SNRPD2: variants seen among roughly 807,000 people sequenced by gnomAD.
The protein encoded by SNRPD2 is small nuclear ribonucleoprotein Sm D2.
In SNRPD2, 1 loss-of-function variant was observed where a neutral mutation model predicts 11.5. The observed-to-expected ratio is 0.09, with a 90% CI of 0.03 to 0.41. SNRPD2 has a LOEUF of 0.41. Ranked by LOEUF, SNRPD2 falls within the 10% of genes least tolerant of loss-of-function variation. The pLI is 0.98. For missense variants in SNRPD2, 77 were observed against 154.9 expected (o/e 0.50, Z 2.67); for synonymous variants, 63 against 61.5 (o/e 1.02, Z -0.12).
rs1170652323 is a variant in SNRPD2 at position 45,688,112 on chromosome 19, G to C, written c.182+275C>G. On this transcript the variant is annotated intron_variant, in intron 2 of 2. Coordinates refer to ENST00000342669, the MANE Select transcript of SNRPD2 (RefSeq NM_001384647.1). The surrounding 1 kb of genome is among the most constrained non-coding windows in gnomAD (Gnocchi z 4.1). Reference sequence around the variant, plus strand: ...GGCTATTCTTGTGCCTCGGCCACCTGAGTAGCTGTGAATACAGGCGTGCAC... The same window carrying C: ...GGCTATTCTTGTGCCTCGGCCACCTCAGTAGCTGTGAATACAGGCGTGCAC... Among the ~76,000 whole-genome samples, 1 of 152,194 alleles carries C rather than the reference G, an allele frequency of 6.6e-6. No individual in the cohort carries two copies. The highest frequency in any genetic ancestry group is 1.5e-5 in the Non-Finnish European group (1 of 68,040).
At chr19:45,691,081 A>C (rs1345939932) in intron 1 of SNRPD2, among the ~76,000 whole-genome samples, 2 of 152,094 alleles carry the variant, frequency 1.3e-5, no homozygotes, top group African/African-American at 4.8e-5. Flanking sequence ...CCTTATTTCA[A>C]ATAATTATTT....
rs1471249261 is a variant in SNRPD2, at chr19:45,688,266, AGCCACC to A, written c.182+115_182+120del. 17 of 801,364 alleles carry A rather than the reference AGCCACC, an allele frequency of 2.1e-5. No homozygotes were observed. The highest frequency in any genetic ancestry group is 3.4e-5 in the Non-Finnish European group (17 of 495,348). 49.6% of individuals were successfully genotyped at this position (801,364 alleles called of 1,614,324 possible). A position where few individuals can be genotyped will look rare whatever the true frequency, so the allele number is the denominator to read the frequency against. Reference sequence around the variant, plus strand: ...CCAAAGTGCTGGGATTACAGGCATGAGCCACCACGCCTGGCCATACACCCCAGGCTT... The same window carrying A: ...CCAAAGTGCTGGGATTACAGGCATGAACGCCTGGCCATACACCCCAGGCTT... On this transcript the variant is annotated intron_variant, in intron 2 of 2. Transcript: ENST00000342669. The surrounding 1 kb of genome is among the most constrained non-coding windows in gnomAD (Gnocchi z 4.1).
chr19:45,690,281 G>A (rs1489767148), intron 1 of SNRPD2, among the ~76,000 whole-genome samples: 3 of 136,598 alleles, frequency 2.2e-5, no homozygotes, highest in African/African-American at 5.5e-5. Context: ...GCAGTGAGCC[G>A]AGATTGCGCC....
upstream of SNRPD2, chr19:45,692,037 A>C: frequency 6.3e-7 from 1 of 1,589,566 alleles, no homozygotes. Context: ...CTGTTGCCAC[A>C]GCATTCCCCA....
At position 45,688,290 on chromosome 19, in the gene SNRPD2, C is replaced by A; in HGVS notation, c.182+97G>T. 1 of 1,117,720 alleles carries A rather than the reference C, an allele frequency of 8.9e-7. No homozygotes were observed. Among genetic ancestry groups the A allele is most frequent in the East Asian group, 2.4e-5 (1 of 41,880 alleles). The allele number at this position is 1,117,720 out of a possible 1,614,324, so 69.2% of individuals were successfully genotyped here. Reference sequence around the variant, plus strand: ...GAGCCACCACGCCTGGCCATACACCCCAGGCTTCTGAGACAGCTGTCTTTG... The same window carrying A: ...GAGCCACCACGCCTGGCCATACACCACAGGCTTCTGAGACAGCTGTCTTTG... On this transcript the variant is annotated intron_variant, in intron 2 of 2. Coordinates refer to ENST00000342669, the MANE Select transcript of SNRPD2 (RefSeq NM_001384647.1). The surrounding 1 kb of genome is among the most constrained non-coding windows in gnomAD (Gnocchi z 4.1).
rs1023641160 is a variant in SNRPD2 at position 45,688,104 on chromosome 19, G to A, written c.182+283C>T. 2.0e-5 allele frequency among the ~76,000 whole-genome samples: 3 copies of A among 152,020 alleles called. No individual in the cohort carries two copies. The highest frequency in any genetic ancestry group is 7.2e-5 in the African/African-American group (3 of 41,382). On this transcript the variant is annotated intron_variant, in intron 2 of 2. Transcript: ENST00000342669. This position sits in a 1 kb window ranked among gnomAD's most constrained non-coding sequence, Gnocchi z 4.1. ...TGGGTTCAGGCTATTCTTGTGCCTC[G>A]GCCACCTGAGTAGCTGTGAATACAG...
At chr19:45,690,521 C>T (rs552527756) in intron 1 of SNRPD2, 29 of 151,640 alleles carry the variant, frequency 1.9e-4, no homozygotes, top group African/African-American at 7.0e-4. Context: ...CCCATCCTCC[C>T]CCCATCTCAG....
At chr19:45,692,058 A>C, upstream of SNRPD2, 1 of 1,551,074 alleles carries the variant, frequency 6.4e-7, no homozygotes, top group Non-Finnish European at 8.7e-7. Context: ...CCAACGGTGC[A>C]CAATGATGGA....
Position 45,688,435 on chromosome 19 carries a change from T to C in SNRPD2, c.134A>G (p.Asn45Ser). 6.2e-7 allele frequency: 1 copy of C among 1,614,204 alleles called. No individual in the cohort carries two copies. The highest frequency in any genetic ancestry group is 8.5e-7 in the Non-Finnish European group (1 of 1,180,030). Residue 45 changes from asparagine (N) to serine (S), a missense_variant, in exon 2 of 3, where the codon AAC becomes AGC. Asn to Ser is a conservative substitution (Grantham distance 46). Transcript: ENST00000342669. This position sits in a 1 kb window ranked among gnomAD's most constrained non-coding sequence, Gnocchi z 4.1. The part of the protein sequence containing the change: ...SVKNNTQVLI[N>S]CRNNKKLLGR... ...CAGGAGTTTCTTATTGTTGCGGCAG[T>C]TGATGAGCACTTGGGTATTGTTCTT...
chr19:45,687,806 C>T lies in SNRPD2; in HGVS notation c.183-79G>A. On this transcript the variant is annotated intron_variant, in intron 2 of 2. Coordinates refer to ENST00000342669, the MANE Select transcript of SNRPD2 (RefSeq NM_001384647.1). This position sits in a 1 kb window ranked among gnomAD's most constrained non-coding sequence, Gnocchi z 4.1. The stretch of plus-strand genomic sequence containing the variant: ...GTGCCCCCTACTGCCTGCTGCTCGC[C>T]CCCTCCAGCAGCATGGCTTGGGGAA... 5.0e-6 allele frequency: 6 copies of T among 1,188,258 alleles called. No individual in the cohort carries two copies. The highest frequency in any genetic ancestry group is 1.3e-5 in the South Asian group (1 of 77,474). 73.6% of individuals were successfully genotyped at this position (1,188,258 alleles called of 1,614,324 possible).
In SNRPD2 at chr19:45,688,319, T is replaced by C; in HGVS notation, c.182+68A>G. Reference sequence around the variant, plus strand: ...GCTTCTGAGACAGCTGTCTTTGAGCTCTTCAGACTGGAGCTGGAGTGGCCT... The same window carrying C: ...GCTTCTGAGACAGCTGTCTTTGAGCCCTTCAGACTGGAGCTGGAGTGGCCT... On this transcript the variant is annotated intron_variant, in intron 2 of 2. Transcript: ENST00000342669. The surrounding 1 kb of genome is among the most constrained non-coding windows in gnomAD (Gnocchi z 4.1). 1 of 1,370,838 alleles carries C rather than the reference T, an allele frequency of 7.3e-7. No homozygotes were observed. The highest frequency in any genetic ancestry group is 1.2e-5 in the South Asian group (1 of 81,224). 84.9% of individuals were successfully genotyped at this position (1,370,838 alleles called of 1,614,324 possible).
intron 1 of SNRPD2, among the ~76,000 whole-genome samples, chr19:45,690,159 G>A (rs1435237355): frequency 2.7e-5 from 4 of 150,664 alleles, no homozygotes; most frequent in Admixed American, 6.7e-5. Context: ...GTGAAACCCC[G>A]TCTCTACTGA....
chr19:45,688,574 G>A lies in SNRPD2; in HGVS notation c.3-8C>T. 6.2e-7 allele frequency: 1 copy of A among 1,611,202 alleles called. No individual in the cohort carries two copies. The highest frequency in any genetic ancestry group is 8.5e-7 in the Non-Finnish European group (1 of 1,177,496). Reference sequence around the variant, plus strand: ...GGCTTGTTGAGGAGGCTCCTGCATGGACAAACATGGAACCAATAAGTGAGA... The same window carrying A: ...GGCTTGTTGAGGAGGCTCCTGCATGAACAAACATGGAACCAATAAGTGAGA... On this transcript the variant is annotated splice_region_variant and splice_polypyrimidine_tract_variant and intron_variant, in intron 1 of 2. Coordinates refer to ENST00000342669, the MANE Select transcript of SNRPD2 (RefSeq NM_001384647.1). The surrounding 1 kb of genome is among the most constrained non-coding windows in gnomAD (Gnocchi z 4.1).
intron 1 of SNRPD2, chr19:45,689,093 A>AC (rs1967476608): frequency 9.3e-6 from 4 of 432,254 alleles, no homozygotes; most frequent in South Asian, 6.8e-5. Flanking sequence ...ACCCAAGCCT[A>AC]CCCTATCTAC....
At chr19:45,692,155 C>G (rs182476370), upstream of SNRPD2, 3 of 663,488 alleles carry the variant, frequency 4.5e-6, no homozygotes, top group East Asian at 9.4e-5. Context: ...GAAAGGCAGT[C>G]TGATTCAAAC....
intron 1 of SNRPD2, among the ~76,000 whole-genome samples, chr19:45,690,018 CAG>C (rs1318520362): frequency 4.6e-4 from 66 of 143,656 alleles, no homozygotes; most frequent in Middle Eastern, 8.7e-3. Flanking sequence ...GCTTGGGCTA[CAG>C]AGTGAGACTC....
Position 45,687,808 on chromosome 19 carries a change from C to G in SNRPD2, c.183-81G>C. The G allele has an allele frequency of 8.6e-7, 1 of 1,156,778 alleles. No homozygotes were observed. Among genetic ancestry groups the G allele is most frequent in the Non-Finnish European group, 1.3e-6 (1 of 789,056 alleles). 71.7% of individuals were successfully genotyped at this position (1,156,778 alleles called of 1,614,324 possible). On this transcript the variant is annotated intron_variant, in intron 2 of 2. Transcript: ENST00000342669. This position sits in a 1 kb window ranked among gnomAD's most constrained non-coding sequence, Gnocchi z 4.1. The stretch of plus-strand genomic sequence containing the variant: ...GCCCCCTACTGCCTGCTGCTCGCCC[C>G]CTCCAGCAGCATGGCTTGGGGAAGG...
At position 45,687,891 on chromosome 19, in the gene SNRPD2, T is replaced by C. The variant is rs1315938210; in HGVS notation, c.183-164A>G. Reference sequence around the variant, plus strand: ...CAAAGCAACTCTGCCAGTCCTTAGGTTGAGGCTGAGGCAAAGGACTGCACC... The same window carrying C: ...CAAAGCAACTCTGCCAGTCCTTAGGCTGAGGCTGAGGCAAAGGACTGCACC... On this transcript the variant is annotated intron_variant, in intron 2 of 2. Transcript: ENST00000342669. This position sits in a 1 kb window ranked among gnomAD's most constrained non-coding sequence, Gnocchi z 4.1. 130 of 620,572 alleles carry C rather than the reference T, an allele frequency of 2.1e-4. No individual in the cohort carries two copies. The highest frequency in any genetic ancestry group is 2.3e-5 in the Non-Finnish European group (8 of 350,040). The allele number at this position is 620,572 out of a possible 1,614,324, so 38.4% of individuals were successfully genotyped here. A position where few individuals can be genotyped will look rare whatever the true frequency, so the allele number is the denominator to read the frequency against.
chr19:45,691,529 T>C, intron 1 of SNRPD2: 1 of 248,828 alleles, frequency 4.0e-6, no homozygotes, highest in Non-Finnish European at 7.7e-6. Flanking sequence ...ATGTTTTTCA[T>C]AATTAAATTT....
Sources: gnomAD v4.1 joint callset for allele counts (sites outside exome capture counted in the v4.1 genomes callset) on GRCh38, gnomAD v4.1.1 for gene constraint, Gnocchi (gnomAD v3.1) non-coding constraint, MANE v1.5 for transcripts, NCBI Gene and HGNC (gene_info 2026-07-23, HGNC 2026-07-21) for gene names.